Variants in GABRE observed in about 807,000 individuals in gnomAD.
The protein encoded by GABRE is gamma-aminobutyric acid receptor subunit epsilon.
A neutral mutation model predicts 31.0 loss-of-function variants in GABRE; 20 were observed. That is an observed-to-expected ratio of 0.64 (90% CI 0.45 to 0.94). The LOEUF is 0.94. Among genes scored for constraint, GABRE ranks in the 40% least tolerant of loss-of-function variants. GABRE has a pLI of 0.00. For synonymous variants in GABRE, 155 were observed against 150.6 expected (o/e 1.03, Z -0.21); for missense variants, 420 against 410.7 (o/e 1.02, Z -0.20).
intron 6 of GABRE, 101 bp from the exon 7 acceptor site, chrX:151,955,961 T>G: frequency 1.2e-6 from 1 of 827,191 alleles, no homozygotes; most frequent in Non-Finnish European, 1.8e-6. Flanking sequence ...CTCACAGTAT[T>G]CCCTAGGATA....
At position 151,955,818 on chromosome X, in the gene GABRE, C is replaced by T. The variant is rs763903550; in HGVS notation, c.827G>A (p.Arg276Gln). 2.6e-5 allele frequency: 32 copies of T among 1,210,263 alleles called. No individual in the cohort carries two copies. The highest frequency in any genetic ancestry group is 1.6e-4 in the South Asian group (9 of 56,838). Residue 276 changes from arginine (R) to glutamine (Q), a missense_variant, in exon 7 of 9, where the codon CGG (arginine) becomes CAG (glutamine). Physicochemically the swap from Arg to Gln is conservative, Grantham distance 43. Transcript: ENST00000370328. ...GTTTTGAAAGGCAACATAGCCAAAC[C>T]GCCTGCTCACATTGAAGAAAATCGT... Reference protein sequence around the residue: ...VMTIFFNVSRRFGYVAFQNYV... With the variant: ...VMTIFFNVSRQFGYVAFQNYV...
rs753605636 is a variant in GABRE at position 151,970,126 on chromosome X, G to A, written c.274+59C>T. On this transcript the variant is annotated intron_variant, in intron 2 of 8. Coordinates refer to ENST00000370328, the MANE Select transcript of GABRE (RefSeq NM_004961.4). ...GTTACTGCCCAGGTGCATTCTCCAT[G>A]CCTATGCCCTCAACCCCTGGACCCT... The A allele has an allele frequency of 1.2e-4, 139 of 1,193,473 alleles. No homozygotes were observed. Among genetic ancestry groups the A allele is most frequent in the Admixed American group, 4.3e-4 (19 of 44,700 alleles).
Position 151,974,621 on chromosome X carries a change from A to G in GABRE, c.5T>C (p.Leu2Ser). The change falls in exon 1 of 9, where the codon TTG becomes TCG. Residue 2 changes from leucine (L) to serine (S), a missense_variant. Transcript: ENST00000370328. M[L>S]SKVLPVLLGI... The stretch of plus-strand genomic sequence containing the variant: ...TAGGAGGACTGGAAGAACTTTGGAC[A>G]ACATTTCCGCGGAGACCGGCGCGAC... 8.5e-7 allele frequency: 1 copy of G among 1,176,134 alleles called. No homozygotes were observed. Among genetic ancestry groups the G allele is most frequent in the Non-Finnish European group, 1.1e-6 (1 of 876,296 alleles).
intron 1 of GABRE, chrX:151,971,987 C>T (rs1302593545): frequency 2.7e-5 from 19 of 712,357 alleles, no homozygotes; most frequent in Non-Finnish European, 3.1e-5. Context: ...TGAAAAGCCA[C>T]TGAGCTGTTC....
rs894639850 is a variant in GABRE at position 151,953,512 on chromosome X, A to G, written c.*1189T>C. On this transcript the variant is annotated 3_prime_UTR_variant, in exon 9 of 9. Transcript: ENST00000370328. ...ATCCACAGTCCCACAGAAATCTGTG[A>G]CTCAGGGTTTTCATCTGCAAAATGG... The G allele has an allele frequency of 1.8e-5, 2 of 112,102 alleles. No individual in the cohort carries two copies. Among genetic ancestry groups the G allele is most frequent in the African/African-American group, 6.5e-5 (2 of 30,710 alleles). 9.2% of individuals were successfully genotyped at this position (112,102 alleles called of 1,213,427 possible). A position where few individuals can be genotyped will look rare whatever the true frequency, so the allele number is the denominator to read the frequency against.
chrX:151,972,749 A>C, intron 1 of GABRE: 4 of 601,413 alleles, frequency 6.7e-6, no homozygotes, highest in Non-Finnish European at 8.0e-6. Context: ...AACAAACAAA[A>C]CAAAACCTCA....
Position 151,965,301 on chromosome X carries a change from G to A in GABRE, c.343-2658C>T, listed in dbSNP as rs145356463. On this transcript the variant is annotated intron_variant, in intron 3 of 8. Transcript: ENST00000370328. ...CTGTAACCTCTGAATGTGTGTGTTC[G>A]TGTGCATAGATATATCCGTGATTAT... 4.1e-3 allele frequency among the ~76,000 whole-genome samples: 459 copies of A among 111,524 alleles called. 1 individual carries two copies. Among genetic ancestry groups the A allele is most frequent in the African/African-American group, 0.014 (420 of 30,657 alleles).
intron 1 of GABRE, chrX:151,971,013 C>T: frequency 2.9e-6 from 2 of 678,661 alleles, no homozygotes; most frequent in East Asian, 1.3e-4. Context: ...CAGGAACTGG[C>T]TGCCCAACAG....
At chrX:151,972,727 AAC>A (rs1934748874) in intron 1 of GABRE, 1 of 686,352 alleles carries the variant, frequency 1.5e-6, no homozygotes, top group Middle Eastern at 8.6e-4. Flanking sequence ...AAAAAAAAAA[AAC>A]ACAACAATAA....
intron 3 of GABRE, among the ~76,000 whole-genome samples, chrX:151,964,474 C>T (rs1408632333): frequency 9.0e-6 from 1 of 111,558 alleles, no homozygotes; most frequent in Non-Finnish European, 1.9e-5. Context: ...AACTAGATCA[C>T]AGTCTCAGAG....
intron 4 of GABRE, among the ~76,000 whole-genome samples, chrX:151,961,847 C>CA (rs201359389): frequency 7.3e-5 from 8 of 109,755 alleles, no homozygotes; most frequent in South Asian, 3.9e-4. Flanking sequence ...CAAAACAAAA[C>CA]AAACAAACAG....
Position 151,957,970 on chromosome X carries a change from C to T in GABRE, c.784+1869G>A, listed in dbSNP as rs41311366. 5.0e-3 allele frequency: 594 copies of T among 119,746 alleles called. 1 individual carries two copies. The highest frequency in any genetic ancestry group is 7.5e-3 in the Admixed American group (87 of 11,625). 9.9% of individuals were successfully genotyped at this position (119,746 alleles called of 1,213,427 possible). On this transcript the variant is annotated intron_variant, in intron 6 of 8. Coordinates refer to ENST00000370328, the MANE Select transcript of GABRE (RefSeq NM_004961.4). ...TATGTAGACTACAACAGACTATGAT[C>T]CATGCCGGGAATGATGATGTTGATC... is the stretch of plus-strand genomic sequence containing the variant.
At position 151,953,348 on chromosome X, in the gene GABRE, T is replaced by G. The variant is rs777125249; in HGVS notation, c.*1353A>C. ...AGCACCTCAGGCCCAGAAATTGAGC[T>G]AAAGAGAGGTCGCCATTCTGGGCCT... On this transcript the variant is annotated 3_prime_UTR_variant, in exon 9 of 9. Transcript: ENST00000370328. 9.0e-6 allele frequency: 1 copy of G among 111,038 alleles called. No homozygotes were observed. The highest frequency in any genetic ancestry group is 3.3e-5 in the African/African-American group (1 of 30,436). The allele number at this position is 111,038 out of a possible 1,213,427, so 9.2% of individuals were successfully genotyped here.
chrX:151,956,053 A>C, intron 6 of GABRE, 193 bp from the exon 7 acceptor site: 1 of 435,213 alleles, frequency 2.3e-6, no homozygotes, highest in Non-Finnish European at 3.9e-6. Context: ...ACCAATGGCC[A>C]GTTGAGAGCT....
chrX:151,961,169 C>T (rs1308889966), intron 5 of GABRE, 114 bp downstream of exon 5: 9 of 530,662 alleles, frequency 1.7e-5, no homozygotes, highest in Non-Finnish European at 3.3e-6. Context: ...TCCTGCACAA[C>T]CTTGGCAGCA....
Position 151,974,651 on chromosome X carries a change from T to C in GABRE, c.-26A>G, listed in dbSNP as rs751466852. On this transcript the variant is annotated 5_prime_UTR_variant, in exon 1 of 9. Coordinates refer to ENST00000370328, the MANE Select transcript of GABRE (RefSeq NM_004961.4). Reference sequence around the variant, plus strand: ...TTCCGCGGAGACCGGCGCGACCACCTGCGCGGAGGTCGCGGCTCACGCTCT... The same window carrying C: ...TTCCGCGGAGACCGGCGCGACCACCCGCGCGGAGGTCGCGGCTCACGCTCT... 8.7e-5 allele frequency: 97 copies of C among 1,115,304 alleles called. No homozygotes were observed. Among genetic ancestry groups the C allele is most frequent in the Non-Finnish European group, 1.1e-4 (95 of 827,021 alleles). The allele number at this position is 1,115,304 out of a possible 1,213,427, so 91.9% of individuals were successfully genotyped here. A position where few individuals can be genotyped will look rare whatever the true frequency, so the allele number is the denominator to read the frequency against.
intron 5 of GABRE, 117 bp downstream of exon 5, chrX:151,961,166 C>T (rs1721392566): frequency 2.3e-5 from 12 of 521,924 alleles, no homozygotes; most frequent in Non-Finnish European, 4.0e-5. Flanking sequence ...AAGTCCTGCA[C>T]AACCTTGGCA....
rs73618911 is a variant in GABRE at position 151,966,709 on chromosome X, A to T, written c.342+2960T>A. 6.1e-3 allele frequency among the ~76,000 whole-genome samples: 684 copies of T among 112,195 alleles called. 4 individuals are homozygous for T. Among genetic ancestry groups the T allele is most frequent in the African/African-American group, 0.021 (651 of 30,928 alleles). ...CCCACAGCTTTAAAGAACTATTTGG[A>T]ACCATGTAGAAGGCAAGGCATTTCA... On this transcript the variant is annotated intron_variant, in intron 3 of 8. Transcript: ENST00000370328.
chrX:151,958,556 T>C (rs1934250794), intron 6 of GABRE: 1 of 373,557 alleles, frequency 2.7e-6, no homozygotes, highest in Admixed American at 2.6e-5. Context: ...CTGTCATTGC[T>C]TTGATGATGA....
Sources: gnomAD v4.1 joint callset for allele counts (sites outside exome capture counted in the v4.1 genomes callset) on GRCh38, gnomAD v4.1.1 for gene constraint, MANE v1.5 for transcripts, NCBI Gene and HGNC (gene_info 2026-07-23, HGNC 2026-07-21) for gene names.